Variants in CCDC127 observed in about 807,000 individuals in gnomAD.
CCDC127 encodes the protein coiled-coil domain-containing protein 127.
CCDC127 carries 2 observed loss-of-function variants against 4.1 expected under a neutral mutation model. That is an observed-to-expected ratio of 0.49 (90% CI 0.20 to 1.53). The LOEUF (loss-of-function observed/expected upper bound fraction) is 1.53, where lower values mean the gene tolerates loss of function less well. CCDC127 is among the 40% of genes most tolerant of loss of function. CCDC127 has a pLI of 0.23. For missense variants in CCDC127, 271 were observed against 322.9 expected (o/e 0.84, Z 1.23); for synonymous variants, 98 against 120.4 (o/e 0.81, Z 1.22).
rs979308466 is a variant in CCDC127 at position 198,137 on chromosome 5, C to A, written c.*7160G>T. 6.6e-6 allele frequency: 1 copy of A among 152,302 alleles called. No homozygotes were observed. Among genetic ancestry groups the A allele is most frequent in the East Asian group, 1.9e-4 (1 of 5,194 alleles). 9.4% of individuals were successfully genotyped at this position (152,302 alleles called of 1,614,324 possible). On this transcript the variant is annotated 3_prime_UTR_variant, in exon 3 of 3. Coordinates refer to ENST00000296824, the MANE Select transcript of CCDC127 (RefSeq NM_145265.3). The stretch of plus-strand genomic sequence containing the variant: ...CGTACAGGAGCCTGCCTCCCGGGGG[C>A]GTCTCAGGAATGGACGGCCTCCTGC...
chr5:208,169 ATTC>A (rs1284858349), intron 2 of CCDC127, among the ~76,000 whole-genome samples: 12 of 152,294 alleles, frequency 7.9e-5, no homozygotes, highest in South Asian at 4.1e-4. Flanking sequence ...CATCCTCCCT[ATTC>A]TTCTTCTAAG....
rs889153464 is a variant in CCDC127 at position 197,271 on chromosome 5, C to T, written c.*8026G>A. The T allele has an allele frequency of 2.6e-5, 4 of 152,184 alleles. No individual in the cohort carries two copies. Among genetic ancestry groups the T allele is most frequent in the South Asian group, 2.1e-4 (1 of 4,828 alleles). The allele number at this position is 152,184 out of a possible 1,614,324, so 9.4% of individuals were successfully genotyped here. A position where few individuals can be genotyped will look rare whatever the true frequency, so the allele number is the denominator to read the frequency against. On this transcript the variant is annotated 3_prime_UTR_variant, in exon 3 of 3. Transcript: ENST00000296824. Reference sequence around the variant, plus strand: ...CACCGCGACATTCAGTTCCCAGCGGCGAGCAGGAGACAGTGGACTTCTCTC... The same window carrying T: ...CACCGCGACATTCAGTTCCCAGCGGTGAGCAGGAGACAGTGGACTTCTCTC...
Position 203,398 on chromosome 5 carries a change from C to A in CCDC127, c.*1899G>T, listed in dbSNP as rs1018863800. 2.6e-5 allele frequency: 4 copies of A among 152,250 alleles called. No individual in the cohort carries two copies. Among genetic ancestry groups the A allele is most frequent in the African/African-American group, 9.7e-5 (4 of 41,448 alleles). 9.4% of individuals were successfully genotyped at this position (152,250 alleles called of 1,614,324 possible). On this transcript the variant is annotated 3_prime_UTR_variant, in exon 3 of 3. Coordinates refer to ENST00000296824, the MANE Select transcript of CCDC127 (RefSeq NM_145265.3). The stretch of plus-strand genomic sequence containing the variant: ...GGGTGAAGCATCTGAGCACCCTTAG[C>A]AGGGCGTGGGTGCCGAGAGCAGAGC...
At chr5:215,305 C>T (rs1283817826) in intron 2 of CCDC127, 1 of 152,074 alleles carries the variant, frequency 6.6e-6, no homozygotes, top group African/African-American at 2.4e-5. Context: ...CAACCCTTTT[C>T]AGGGACAGAA....
rs1372326627 is a variant in CCDC127, at chr5:203,639, C to T, written c.*1658G>A. ...ACAGTTGCTCCTACTCCCGTACAGA[C>T]GGGCAGGAGGGGAGAACATGGCCCT... On this transcript the variant is annotated 3_prime_UTR_variant, in exon 3 of 3. Transcript: ENST00000296824. 4 of 152,370 alleles carry T rather than the reference C, an allele frequency of 2.6e-5. No individual in the cohort carries two copies. The highest frequency in any genetic ancestry group is 1.9e-4 in the East Asian group (1 of 5,180). The allele number at this position is 152,370 out of a possible 1,614,324, so 9.4% of individuals were successfully genotyped here.
At chr5:215,647 G>C (rs932520397) in intron 2 of CCDC127, 2 of 151,926 alleles carry the variant, frequency 1.3e-5, no homozygotes, top group Admixed American at 1.3e-4. Context: ...CAAGCACTGC[G>C]CAGATCACTG....
intron 2 of CCDC127, among the ~76,000 whole-genome samples, chr5:213,360 C>A (rs1254669264): frequency 1.3e-5 from 1 of 79,584 alleles, no homozygotes; most frequent in Non-Finnish European, 2.3e-5. Flanking sequence ...TGCTCGACAT[C>A]GCACACTGCA....
Position 197,397 on chromosome 5 carries a change from G to A in CCDC127, c.*7900C>T, listed in dbSNP as rs987889020. The A allele has an allele frequency of 2.1e-4, 32 of 152,362 alleles. No individual in the cohort carries two copies. Among genetic ancestry groups the A allele is most frequent in the African/African-American group, 7.5e-4 (31 of 41,556 alleles). 9.4% of individuals were successfully genotyped at this position (152,362 alleles called of 1,614,324 possible). A position where few individuals can be genotyped will look rare whatever the true frequency, so the allele number is the denominator to read the frequency against. On this transcript the variant is annotated 3_prime_UTR_variant, in exon 3 of 3. Transcript: ENST00000296824. ...CGGTCAGGTCTTTCTCATTCCACGA[G>A]GCCATATTTCAGACTATCACATGGG...
intron 2 of CCDC127, among the ~76,000 whole-genome samples, chr5:206,271 T>G (rs184052975): frequency 1.2e-4 from 19 of 152,394 alleles, no homozygotes; most frequent in African/African-American, 4.6e-4. Flanking sequence ...AATGTTTGGG[T>G]CGACTTCAAC....
At chr5:208,678 C>T (rs1452032379) in intron 2 of CCDC127, among the ~76,000 whole-genome samples, 1 of 152,230 alleles carries the variant, frequency 6.6e-6, no homozygotes, top group East Asian at 1.9e-4. Context: ...CTCGGGGGCC[C>T]ATGGGGGCCA....
Position 205,312 on chromosome 5 carries a change from G to C in CCDC127, c.768C>G (p.Ala256=). Residue 256 remains alanine, a synonymous_variant, in exon 3 of 3, where the codon GCC becomes GCG. Coordinates refer to ENST00000296824, the MANE Select transcript of CCDC127 (RefSeq NM_145265.3). The part of the protein sequence containing the change: ...ELKKFKRVEE[A]ILEK ...CACTCTTGTCTTACTTTTCTAGTAT[G>C]GCTTCCTCTACTCTCTTAAACTTCT... 1 of 1,605,884 alleles carries C rather than the reference G, an allele frequency of 6.2e-7. No homozygotes were observed. The highest frequency in any genetic ancestry group is 8.5e-7 in the Non-Finnish European group (1 of 1,174,122).
intron 2 of CCDC127, among the ~76,000 whole-genome samples, chr5:210,244 T>C (rs571545718): frequency 6.6e-5 from 10 of 152,320 alleles, no homozygotes; most frequent in African/African-American, 1.2e-4. Context: ...GCAGAATTCT[T>C]AGACTTTCCA....
chr5:210,322 T>C (rs1734256806), intron 2 of CCDC127, among the ~76,000 whole-genome samples: 1 of 152,150 alleles, frequency 6.6e-6, no homozygotes, highest in South Asian at 2.1e-4. Context: ...ACTTTTACAC[T>C]GCAAATGCCC....
At chr5:213,995 C>G (rs1189815294) in intron 2 of CCDC127, 1 of 152,192 alleles carries the variant, frequency 6.6e-6, no homozygotes, top group Non-Finnish European at 1.5e-5. Context: ...TCATAAAACA[C>G]GACTCAGCAA....
chr5:204,117 T>C lies in CCDC127; in HGVS notation c.*1180A>G, dbSNP rs1734123292. The C allele has an allele frequency of 6.6e-6, 1 of 152,206 alleles. No individual in the cohort carries two copies. Among genetic ancestry groups the C allele is most frequent in the African/African-American group, 2.4e-5 (1 of 41,446 alleles). The allele number at this position is 152,206 out of a possible 1,614,324, so 9.4% of individuals were successfully genotyped here. ...AAAGCCCCAGGTGCTGAGTCTCCAG[T>C]GAGCTTATTCTTAATAGTTAGGTGT... On this transcript the variant is annotated 3_prime_UTR_variant, in exon 3 of 3. Coordinates refer to ENST00000296824, the MANE Select transcript of CCDC127 (RefSeq NM_145265.3).
intron 2 of CCDC127, 113 bp downstream of exon 2, chr5:216,616 C>T (rs1245479979): frequency 1.2e-6 from 1 of 841,726 alleles, no homozygotes; most frequent in Non-Finnish European, 1.9e-6. Context: ...CTCGGCTGTC[C>T]CTGGCAGGTC....
rs4956998 is a variant in CCDC127, at chr5:216,332, A to T, written c.121+397T>A. The T allele has an allele frequency of 5.3e-3, 1,222 of 229,164 alleles. 7 individuals are homozygous for T. The highest frequency in any genetic ancestry group is 0.05 in the Admixed American group (969 of 19,388). The allele number at this position is 229,164 out of a possible 1,614,324, so 14.2% of individuals were successfully genotyped here. On this transcript the variant is annotated intron_variant, in intron 2 of 2. Coordinates refer to ENST00000296824, the MANE Select transcript of CCDC127 (RefSeq NM_145265.3). ...GTTACAGGTATGAGCCACCACGCCC[A>T]GCCCACTGGTTTCCTTTACACCCGT...
chr5:206,156 C>A (rs2126505064), intron 2 of CCDC127, among the ~76,000 whole-genome samples, 198 bp from the exon 3 acceptor site: 1 of 148,010 alleles, frequency 6.8e-6, no homozygotes, highest in East Asian at 1.9e-4. Flanking sequence ...GGCTGGGTGA[C>A]CAAAAGACCC....
chr5:217,155 G>T, intron 1 of CCDC127: 1 of 204,384 alleles, frequency 4.9e-6, no homozygotes, highest in South Asian at 8.1e-5. Flanking sequence ...AAAAGAAAAA[G>T]GAAAAAAAAA....
Sources: allele counts gnomAD v4.1 joint callset (sites outside exome capture counted in the v4.1 genomes callset), GRCh38; gene constraint gnomAD v4.1.1; transcripts MANE v1.5; gene names NCBI Gene and HGNC (gene_info 2026-07-23, HGNC 2026-07-21).